NBAS: variants seen among roughly 807,000 people sequenced by gnomAD.
NBAS encodes NAG/BC035112 fusion.
In NBAS, 219 loss-of-function variants were observed where a neutral mutation model predicts 302.5. That is an observed-to-expected ratio of 0.72 (90% CI 0.65 to 0.81). NBAS has a LOEUF of 0.81. Ranked by LOEUF, NBAS falls within the 30% of genes least tolerant of loss-of-function variation. The pLI is 0.00. For missense variants in NBAS, 2,932 were observed against 2,841.6 expected, an observed-to-expected ratio of 1.03 and a Z score of -0.72; for synonymous variants, 1,118 against 1,021.6, an observed-to-expected ratio of 1.09 and a Z score of -1.80.
intron 12 of NBAS, among the ~76,000 whole-genome samples, chr2:15,485,918 AAAAG>A (rs1266858606): frequency 1.3e-5 from 2 of 152,182 alleles, no homozygotes; most frequent in African/African-American, 4.8e-5. Context: ...AAGGAAAAAA[AAAAG>A]AAATAAAATT....
chr2:15,186,919 A>C lies in NBAS; in HGVS notation c.6573-39T>G, dbSNP rs747188950. ...AGAAAAATACAAGGCACTGGAAATG[A>C]CTAAAGTTATCATAATTGTGATAAA... On this transcript the variant is annotated intron_variant, in intron 49 of 51. Transcript: ENST00000281513. The C allele has an allele frequency of 2.5e-6, 4 of 1,613,142 alleles. No homozygotes were observed. The South Asian group carries it at 4.4e-5, about 18-fold the overall frequency.
chr2:15,553,317 A>G, intron 5 of NBAS, 109 bp downstream of exon 5: 1 of 1,013,280 alleles, frequency 9.9e-7, no homozygotes, highest in Non-Finnish European at 1.5e-6. Context: ...AAGTGAGTTA[A>G]TAATAAAATC....
At chr2:15,181,431 C>A (rs933219751) in intron 50 of NBAS, among the ~76,000 whole-genome samples, 4 of 152,218 alleles carry the variant, frequency 2.6e-5, no homozygotes, top group Non-Finnish European at 2.9e-5. Context: ...CTTACTCTAT[C>A]TTTAAGTGCT....
the NBAS span, among the ~76,000 whole-genome samples, chr2:15,122,340 A>G: frequency 6.6e-6 from 1 of 152,158 alleles, no homozygotes; most frequent in African/African-American, 2.4e-5. Context: ...ACTTCCACTC[A>G]TGGTAGAAGG....
intron 47 of NBAS, among the ~76,000 whole-genome samples, chr2:15,227,760 G>A (rs1667205343): frequency 1.3e-5 from 2 of 152,178 alleles, no homozygotes; most frequent in Admixed American, 1.3e-4. Context: ...AATAAATGGT[G>A]CTGAGAAAAT....
chr2:14,886,499 G>A, the NBAS span: 12 of 152,234 alleles, frequency 7.9e-5, no homozygotes, highest in African/African-American at 2.4e-4. Flanking sequence ...TCTGTTCATC[G>A]GCTATGCATT....
At chr2:15,132,184 T>G in the NBAS span, among the ~76,000 whole-genome samples, 7 of 152,236 alleles carry the variant, frequency 4.6e-5, no homozygotes, top group Non-Finnish European at 8.8e-5. Flanking sequence ...CAAGGTGTCC[T>G]TCAGTAGGTG....
the NBAS span, among the ~76,000 whole-genome samples, chr2:15,053,878 C>T: frequency 6.6e-6 from 1 of 151,810 alleles, no homozygotes; most frequent in East Asian, 1.9e-4. Flanking sequence ...GTAGGCACCT[C>T]TTCTTTCTGA....
chr2:14,987,257 C>A, the NBAS span, among the ~76,000 whole-genome samples: 1 of 151,820 alleles, frequency 6.6e-6, no homozygotes, highest in African/African-American at 2.4e-5. Flanking sequence ...CTTATAAGTG[C>A]CTGAAATTAT....
At chr2:14,986,082 G>A in the NBAS span, among the ~76,000 whole-genome samples, 1 of 152,124 alleles carries the variant, frequency 6.6e-6, no homozygotes, top group African/African-American at 2.4e-5. Context: ...GTAAATTGTG[G>A]ATGTTAATCA....
the NBAS span, among the ~76,000 whole-genome samples, chr2:14,899,099 C>T: frequency 9.2e-5 from 14 of 152,158 alleles, no homozygotes; most frequent in African/African-American, 3.1e-4. Context: ...TAGGTGGCAG[C>T]TCTGTGTTCC....
At chr2:15,142,133 A>G in the NBAS span, among the ~76,000 whole-genome samples, 1 of 152,344 alleles carries the variant, frequency 6.6e-6, no homozygotes, top group South Asian at 2.1e-4. Context: ...GATATTCAGA[A>G]AATGCCAGGA....
intron 38 of NBAS, among the ~76,000 whole-genome samples, chr2:15,322,881 A>T (rs1460124595): frequency 6.6e-6 from 1 of 152,172 alleles, no homozygotes; most frequent in Non-Finnish European, 1.5e-5. Flanking sequence ...GGGAATAGGA[A>T]AATGCTTCAT....
chr2:14,850,501 T>C, the NBAS span, among the ~76,000 whole-genome samples: 242 of 94,326 alleles, frequency 2.6e-3, 15 homozygotes, highest in East Asian at 0.029. Flanking sequence ...CACCCCACTG[T>C]CAACATTAGA....
intron 44 of NBAS, among the ~76,000 whole-genome samples, chr2:15,243,549 T>A (rs1361075377): frequency 6.6e-6 from 1 of 151,420 alleles, no homozygotes; most frequent in Non-Finnish European, 1.5e-5. Flanking sequence ...AGGCAATATG[T>A]GGCTTTGGTT....
chr2:14,786,747 T>C, the NBAS span, among the ~76,000 whole-genome samples: 1 of 152,168 alleles, frequency 6.6e-6, no homozygotes, highest in African/African-American at 2.4e-5. Context: ...TCCAACTATG[T>C]GGTCAATTTT....
At chr2:15,167,584 A>C (rs1166995935) in intron 51 of NBAS, among the ~76,000 whole-genome samples, 1 of 152,180 alleles carries the variant, frequency 6.6e-6, no homozygotes, top group Non-Finnish European at 1.5e-5. Context: ...GAAACTATTC[A>C]ACACTGTACC....
the NBAS span, among the ~76,000 whole-genome samples, chr2:14,807,927 T>A: frequency 2.4e-4 from 36 of 151,970 alleles, no homozygotes; most frequent in Middle Eastern, 3.4e-3. Flanking sequence ...TCTCTCTCTC[T>A]CACACACACA....
At chr2:15,102,059 T>A in the NBAS span, among the ~76,000 whole-genome samples, 11 of 152,320 alleles carry the variant, frequency 7.2e-5, no homozygotes, top group African/African-American at 2.2e-4. Context: ...GGAGGTTAGT[T>A]CCACTTTCCC....
Sources: allele counts gnomAD v4.1 joint callset (sites outside exome capture counted in the v4.1 genomes callset), GRCh38; gene constraint gnomAD v4.1.1; transcripts MANE v1.5; gene names NCBI Gene and HGNC (gene_info 2026-07-23, HGNC 2026-07-21).